LUZP2: variants seen among roughly 807,000 people sequenced by gnomAD.
LUZP2 encodes leucine zipper protein 2.
A neutral mutation model predicts 51.6 loss-of-function variants in LUZP2; 52 were observed. The ratio of observed to expected loss-of-function variants is 1.01; its 90% confidence interval spans 0.81 to 1.27. The LOEUF (loss-of-function observed/expected upper bound fraction) is 1.27, where lower values mean the gene tolerates loss of function less well. Ranked by LOEUF, LUZP2 falls within the 50% of genes most tolerant of loss-of-function variation. LUZP2 has a pLI of 0.00. For synonymous variants in LUZP2, 154 were observed against 137.3 expected, an observed-to-expected ratio of 1.12 and a Z score of -0.85; for missense variants, 436 against 395.4, an observed-to-expected ratio of 1.10 and a Z score of -0.87.
chr11:24,580,878 C>T (rs935792476), intron 1 of LUZP2, among the ~76,000 whole-genome samples: 6 of 152,006 alleles, frequency 3.9e-5, no homozygotes. Context: ...AACAGAATTT[C>T]TTCCACTATA....
At chr11:24,539,994 T>A (rs1459320240) in intron 1 of LUZP2, among the ~76,000 whole-genome samples, 1 of 151,772 alleles carries the variant, frequency 6.6e-6, no homozygotes, top group African/African-American at 2.4e-5. Flanking sequence ...ATATATATAT[T>A]CTCATTACAT....
intron 7 of LUZP2, among the ~76,000 whole-genome samples, chr11:24,944,052 A>T (rs148593831): frequency 1.1e-3 from 165 of 152,242 alleles, no homozygotes; most frequent in Non-Finnish European, 2.0e-3. Flanking sequence ...CAACTAACTC[A>T]CACACACATG....
At chr11:24,602,134 GTA>G (rs1263264095) in intron 1 of LUZP2, among the ~76,000 whole-genome samples, 1,352 of 79,956 alleles carry the variant, frequency 0.017, 80 homozygotes, top group African/African-American at 0.074. Context: ...ATGTATATGT[GTA>G]TATATGTATA....
At chr11:24,880,158 G>C (rs190309642) in intron 5 of LUZP2, among the ~76,000 whole-genome samples, 2 of 152,162 alleles carry the variant, frequency 1.3e-5, no homozygotes, top group Non-Finnish European at 2.9e-5. Context: ...ATTCCCCTCT[G>C]GCTAGGACTG....
intron 4 of LUZP2, among the ~76,000 whole-genome samples, chr11:24,761,784 T>A (rs1859988150): frequency 6.6e-6 from 1 of 152,158 alleles, no homozygotes; most frequent in African/African-American, 2.4e-5. Flanking sequence ...ATAAAATAAA[T>A]ACAAATAAAT....
chr11:24,628,759 G>A (rs143886895), intron 1 of LUZP2, among the ~76,000 whole-genome samples: 9 of 152,046 alleles, frequency 5.9e-5, no homozygotes, highest in East Asian at 5.8e-4. Context: ...GGGTTTCACC[G>A]TGTTGGCCAG....
chr11:24,566,780 CAT>C (rs1353898185), intron 1 of LUZP2, among the ~76,000 whole-genome samples: 100 of 141,950 alleles, frequency 7.0e-4, no homozygotes, highest in African/African-American at 2.1e-3. Context: ...GGTATATATA[CAT>C]ATATATAATG....
At chr11:25,001,517 G>C (rs1856681003) in intron 9 of LUZP2, among the ~76,000 whole-genome samples, 1 of 152,168 alleles carries the variant, frequency 6.6e-6, no homozygotes, top group African/African-American at 2.4e-5. Flanking sequence ...AAAGCTATGG[G>C]TTGTCAGTGA....
intron 1 of LUZP2, among the ~76,000 whole-genome samples, chr11:24,539,867 C>G (rs995684092): frequency 6.6e-6 from 1 of 152,030 alleles, no homozygotes; most frequent in African/African-American, 2.4e-5. Context: ...AGAGCTGTAT[C>G]TGACACATAT....
chr11:25,069,578 G>A (rs994115094), intron 10 of LUZP2, among the ~76,000 whole-genome samples: 1 of 151,032 alleles, frequency 6.6e-6, no homozygotes, highest in East Asian at 1.9e-4. Flanking sequence ...TATGTGTGTG[G>A]GTGTATAAAC....
intron 1 of LUZP2, among the ~76,000 whole-genome samples, chr11:24,500,534 A>C (rs1272068925): frequency 1.3e-5 from 2 of 152,186 alleles, no homozygotes; most frequent in Non-Finnish European, 2.9e-5. Flanking sequence ...AGGTATTGAA[A>C]GTAATGGTAG....
intron 9 of LUZP2, among the ~76,000 whole-genome samples, chr11:25,022,446 G>T (rs756685225): frequency 6.6e-6 from 1 of 151,960 alleles, no homozygotes. Flanking sequence ...TATGTATAAG[G>T]CATTAGGGTT....
intron 5 of LUZP2, among the ~76,000 whole-genome samples, chr11:24,876,739 G>A (rs1386047161): frequency 1.3e-5 from 2 of 152,122 alleles, no homozygotes; most frequent in African/African-American, 2.4e-5. Flanking sequence ...AGCCTGGAAT[G>A]TTCTTCCATT....
intron 9 of LUZP2, among the ~76,000 whole-genome samples, chr11:25,030,347 A>G (rs538498916): frequency 6.6e-6 from 1 of 152,078 alleles, no homozygotes; most frequent in African/African-American, 2.4e-5. Context: ...TCTCCTATTG[A>G]TAGAAAGGAT....
chr11:24,532,531 C>T (rs1293724642), intron 1 of LUZP2, among the ~76,000 whole-genome samples: 1 of 150,904 alleles, frequency 6.6e-6, no homozygotes, highest in Non-Finnish European at 1.5e-5. Flanking sequence ...TTTTCTCTCC[C>T]ACTTCCATCC....
chr11:24,655,297 C>T (rs1319859520), intron 1 of LUZP2, among the ~76,000 whole-genome samples: 3 of 152,098 alleles, frequency 2.0e-5, no homozygotes, highest in African/African-American at 7.2e-5. Flanking sequence ...TTTATTACTT[C>T]AAGCACCATA....
chr11:24,990,037 C>T (rs1389333618), intron 9 of LUZP2, among the ~76,000 whole-genome samples: 1 of 152,078 alleles, frequency 6.6e-6, no homozygotes, highest in African/African-American at 2.4e-5. Context: ...GCCACATATT[C>T]TCTGATATTC....
In LUZP2 at chr11:24,983,313, G is replaced by T; in HGVS notation, c.765+20G>T. 3.7e-6 allele frequency: 6 copies of T among 1,607,300 alleles called. No homozygotes were observed. Among genetic ancestry groups the T allele is most frequent in the Non-Finnish European group, 5.1e-6 (6 of 1,176,270 alleles). On this transcript the variant is annotated intron_variant, in intron 9 of 11. Coordinates refer to ENST00000336930, the MANE Select transcript of LUZP2 (RefSeq NM_001009909.4). ...AGCAAGGTACCTACCTTTTATTTGC[G>T]CTTTGTAAAGTAACAGCAAGTAATG... is the stretch of plus-strand genomic sequence containing the variant.
At chr11:24,709,358 G>C (rs1200382022) in intron 1 of LUZP2, among the ~76,000 whole-genome samples, 3 of 152,144 alleles carry the variant, frequency 2.0e-5, no homozygotes, top group South Asian at 4.1e-4. Flanking sequence ...TTCTCAAGGA[G>C]AGTGTATACA....
Sources: allele counts gnomAD v4.1 joint callset (sites outside exome capture counted in the v4.1 genomes callset), GRCh38; gene constraint gnomAD v4.1.1; transcripts MANE v1.5; gene names NCBI Gene and HGNC (gene_info 2026-07-23, HGNC 2026-07-21).